The following XPO7 variants were observed in gnomAD, a reference collection of about 807,000 sequenced individuals.
The protein encoded by XPO7 is exportin-7.
XPO7 carries 21 observed loss-of-function variants against 144.3 expected under a neutral mutation model. The observed-to-expected ratio is 0.15, with a 90% CI of 0.10 to 0.21. XPO7 has a LOEUF of 0.21. Ranked by LOEUF, XPO7 falls within the 10% of genes least tolerant of loss-of-function variation. The pLI, the probability that XPO7 is intolerant of heterozygous loss-of-function variation, is 1.00. For synonymous variants in XPO7, 580 were observed against 499.6 expected (o/e 1.16, Z -2.15); for missense variants, 808 against 1,325.8 (o/e 0.61, Z 6.06).
intron 1 of XPO7, among the ~76,000 whole-genome samples, chr8:21,950,245 C>T (rs528440713): frequency 6.6e-6 from 1 of 152,316 alleles, no homozygotes; most frequent in East Asian, 1.9e-4. Context: ...AAAGCAGGAA[C>T]AGAAATTTAA....
chr8:21,991,703 C>T (rs1345413531), intron 18 of XPO7, 165 bp from the exon 19 acceptor site: 2 of 494,738 alleles, frequency 4.0e-6, no homozygotes, highest in Admixed American at 7.7e-5. Context: ...AATTCTGTTT[C>T]TATATATACA....
chr8:21,988,892 G>A, intron 15 of XPO7, 111 bp from the exon 16 acceptor site: 1 of 839,614 alleles, frequency 1.2e-6, no homozygotes, highest in Admixed American at 2.6e-5. Flanking sequence ...GTGAATTGGT[G>A]GTGCAGATGT....
intron 7 of XPO7, among the ~76,000 whole-genome samples, chr8:21,977,403 AC>A (rs1432895220): frequency 6.6e-6 from 1 of 152,138 alleles, no homozygotes; most frequent in Admixed American, 6.5e-5. Flanking sequence ...ACATGGTGAA[AC>A]CCCGTCTCTA....
At chr8:21,996,659 G>A (rs1322118948) in intron 21 of XPO7, among the ~76,000 whole-genome samples, 1 of 152,146 alleles carries the variant, frequency 6.6e-6, no homozygotes. Context: ...TAAAAAGTGA[G>A]CAAGATTTTC....
chr8:22,002,907 A>C (rs796085743), intron 25 of XPO7: 4 of 218,190 alleles, frequency 1.8e-5, no homozygotes, highest in African/African-American at 7.0e-5. Context: ...GGGATCATGC[A>C]AGGTGGTTTT....
chr8:21,989,970 C>T (rs1295144555), intron 16 of XPO7, among the ~76,000 whole-genome samples: 12 of 150,532 alleles, frequency 8.0e-5, no homozygotes, highest in African/African-American at 2.4e-4. Flanking sequence ...CTGCCTCAGC[C>T]TTCTGAGTAG....
At chr8:21,943,868 A>G (rs1811074021) in intron 1 of XPO7, among the ~76,000 whole-genome samples, 1 of 152,204 alleles carries the variant, frequency 6.6e-6, no homozygotes, top group Non-Finnish European at 1.5e-5. Context: ...GCTGAATTCA[A>G]AGTTGTGCCG....
chr8:21,979,615 G>T (rs1406678283), intron 8 of XPO7, among the ~76,000 whole-genome samples: 1 of 150,444 alleles, frequency 6.6e-6, no homozygotes, highest in Non-Finnish European at 1.5e-5. Flanking sequence ...CACTATGTTT[G>T]CCAGGCTGGT....
At chr8:21,924,617 T>G (rs974694837) in intron 1 of XPO7, among the ~76,000 whole-genome samples, 2 of 152,208 alleles carry the variant, frequency 1.3e-5, no homozygotes, top group Non-Finnish European at 1.5e-5. Flanking sequence ...ATGGAAGCTA[T>G]GTTACTGCTC....
At chr8:21,920,312 C>T (rs562227606) in intron 1 of XPO7, among the ~76,000 whole-genome samples, 1 of 152,158 alleles carries the variant, frequency 6.6e-6, no homozygotes, top group African/African-American at 2.4e-5. Flanking sequence ...CAACCCCGGC[C>T]TCCTTCCCCC....
At chr8:21,970,566 TAATTA>T (rs1183384215) in intron 4 of XPO7, among the ~76,000 whole-genome samples, 2 of 152,232 alleles carry the variant, frequency 1.3e-5, no homozygotes, top group Non-Finnish European at 2.9e-5. Context: ...AAAATATGTT[TAATTA>T]ATTAGTTAAT....
chr8:21,936,052 G>A (rs1321046763), intron 1 of XPO7, among the ~76,000 whole-genome samples: 1 of 152,120 alleles, frequency 6.6e-6, no homozygotes, highest in Non-Finnish European at 1.5e-5. Context: ...AATAACAACA[G>A]TATTTATTGA....
intron 21 of XPO7, among the ~76,000 whole-genome samples, chr8:21,998,237 C>T (rs889814937): frequency 6.6e-6 from 1 of 152,104 alleles, no homozygotes; most frequent in East Asian, 1.9e-4. Flanking sequence ...GTCAGGAGAT[C>T]GAGACCATCC....
intron 1 of XPO7, chr8:21,921,380 C>T (rs1810281756): frequency 6.6e-6 from 1 of 152,232 alleles, no homozygotes; most frequent in East Asian, 1.9e-4. Context: ...CGCTTCCTTA[C>T]TGGGGGTTGG....
At chr8:21,940,762 C>T (rs1242402553) in intron 1 of XPO7, among the ~76,000 whole-genome samples, 1 of 152,140 alleles carries the variant, frequency 6.6e-6, no homozygotes, top group Non-Finnish European at 1.5e-5. Flanking sequence ...AGCCACCGTG[C>T]CTGGCCAGTG....
chr8:21,974,678 C>A lies in XPO7; in HGVS notation c.501C>A (p.Thr167=). The A allele has an allele frequency of 6.3e-7, 1 of 1,587,592 alleles. No homozygotes were observed. The highest frequency in any genetic ancestry group is 8.6e-7 in the Non-Finnish European group (1 of 1,166,476). ...QLTNEINQAD[T]THPLTKHRKI... ...CTTCTTTTTCTGCACAGGCAGACAC[C>A]ACCCATCCTTTAACCAAGCACAGAA... Residue 167 remains threonine, a synonymous_variant, in exon 6 of 28, where the codon ACC becomes ACA. Transcript: ENST00000252512.
chr8:21,924,698 A>G (rs1810403532), intron 1 of XPO7, among the ~76,000 whole-genome samples: 1 of 152,190 alleles, frequency 6.6e-6, no homozygotes, highest in Non-Finnish European at 1.5e-5. Flanking sequence ...ATGAACCTTG[A>G]TAACTAGAGT....
chr8:21,989,974 T>C (rs1261173421), intron 16 of XPO7, among the ~76,000 whole-genome samples: 1 of 151,084 alleles, frequency 6.6e-6, no homozygotes, highest in Non-Finnish European at 1.5e-5. Context: ...CTCAGCCTTC[T>C]GAGTAGCTGG....
intron 7 of XPO7, 77 bp from the exon 8 acceptor site, chr8:21,977,693 A>C: frequency 7.4e-7 from 1 of 1,342,502 alleles, no homozygotes; most frequent in South Asian, 1.2e-5. Flanking sequence ...GTGCTCCCTG[A>C]TGTATAGTGC....
Sources: gnomAD v4.1 joint callset for allele counts (sites outside exome capture counted in the v4.1 genomes callset) on GRCh38, gnomAD v4.1.1 for gene constraint, MANE v1.5 for transcripts, NCBI Gene and HGNC (gene_info 2026-07-23, HGNC 2026-07-21) for gene names.